The following SRPK2 variants were observed in gnomAD, a reference collection of about 807,000 sequenced individuals.
SRPK2 encodes SRSF protein kinase 2.
SRPK2 carries 21 observed loss-of-function variants against 90.8 expected under a neutral mutation model. That is an observed-to-expected ratio of 0.23 (90% CI 0.16 to 0.33). SRPK2 has a LOEUF of 0.33. Among genes scored for constraint, SRPK2 ranks in the 10% least tolerant of loss-of-function variants. SRPK2 has a pLI of 1.00. For synonymous variants in SRPK2, 288 were observed against 311.1 expected, an observed-to-expected ratio of 0.93 and a Z score of 0.78; for missense variants, 620 against 869.0, an observed-to-expected ratio of 0.71 and a Z score of 3.60.
At chr7:105,142,728 A>C (rs1803972602) in intron 10 of SRPK2, among the ~76,000 whole-genome samples, 1 of 152,226 alleles carries the variant, frequency 6.6e-6, no homozygotes, top group South Asian at 2.1e-4. Flanking sequence ...CTCTTTCTAA[A>C]TAAAGTTGCA....
intron 2 of SRPK2, chr7:105,244,579 C>T (rs1361481902): frequency 4.8e-6 from 3 of 619,730 alleles, no homozygotes; most frequent in Non-Finnish European, 8.7e-6. Flanking sequence ...GTCTCAACAA[C>T]AATAAAAAAA....
chr7:105,343,822 G>A (rs2131928166), intron 2 of SRPK2, among the ~76,000 whole-genome samples: 2 of 152,128 alleles, frequency 1.3e-5, no homozygotes, highest in South Asian at 4.1e-4. Flanking sequence ...GAGTGCAATG[G>A]TGCCATCTTG....
intron 2 of SRPK2, chr7:105,268,871 T>G: frequency 6.3e-7 from 1 of 1,585,570 alleles, no homozygotes; most frequent in Non-Finnish European, 8.6e-7. Flanking sequence ...GCTTGATTTC[T>G]GGAAAAATCA....
intron 2 of SRPK2, among the ~76,000 whole-genome samples, chr7:105,334,902 G>T (rs1814901008): frequency 6.6e-6 from 1 of 150,470 alleles, no homozygotes; most frequent in South Asian, 2.1e-4. Context: ...GGGCGCAGTA[G>T]CTTATGCCTG....
At chr7:105,151,127 A>G (rs1459430549) in intron 7 of SRPK2, among the ~76,000 whole-genome samples, 1 of 152,244 alleles carries the variant, frequency 6.6e-6, no homozygotes, top group East Asian at 1.9e-4. Context: ...ATTGCACTCA[A>G]CTAGGCTAAC....
chr7:105,380,405 ACATACATG>A (rs1203402965), intron 2 of SRPK2, among the ~76,000 whole-genome samples: 2 of 152,078 alleles, frequency 1.3e-5, no homozygotes, highest in Non-Finnish European at 2.9e-5. Context: ...AATGCACTTT[ACATACATG>A]CATATACATG....
At chr7:105,140,631 T>C (rs1472995205) in intron 11 of SRPK2, among the ~76,000 whole-genome samples, 3 of 150,996 alleles carry the variant, frequency 2.0e-5, no homozygotes, top group East Asian at 2.0e-4. Context: ...ATGAATAAAA[T>C]AGAAATAATT....
rs35542004 is a variant in SRPK2, at chr7:105,300,254, C to CA, written c.71+88393dup. Among the ~76,000 whole-genome samples the CA allele has an allele frequency of 4.9e-3, 377 of 76,194 alleles. 2 individuals carry two copies. The highest frequency in any genetic ancestry group is 0.017 in the East Asian group (43 of 2,554). The allele number at this position is 76,194 out of a possible 152,430, so 50.0% of individuals were successfully genotyped here. A position where few individuals can be genotyped will look rare whatever the true frequency, so the allele number is the denominator to read the frequency against. Reference sequence around the variant, plus strand: ...GGCAAGAGACAGCGAGACTCCATCTCAAAAAAAAAAAAAAAAAAAAAAAAG... The same window carrying CA: ...GGCAAGAGACAGCGAGACTCCATCTCAAAAAAAAAAAAAAAAAAAAAAAAAG... On this transcript the variant is annotated intron_variant, in intron 2 of 15. Coordinates refer to ENST00000393651, the MANE Select transcript of SRPK2 (RefSeq NM_182692.3).
intron 2 of SRPK2, among the ~76,000 whole-genome samples, chr7:105,260,452 A>AAG (rs1350107377): frequency 6.6e-6 from 1 of 152,214 alleles, no homozygotes; most frequent in Non-Finnish European, 1.5e-5. Context: ...AAATTAGTTC[A>AAG]ACCATTGTGG....
intron 2 of SRPK2, among the ~76,000 whole-genome samples, chr7:105,331,337 A>AAAAAAAAACAAAAAC (rs1554512429): frequency 7.1e-6 from 1 of 141,830 alleles, no homozygotes; most frequent in Non-Finnish European, 1.5e-5. Flanking sequence ...AAAAAAAAAA[A>AAAAAAAAACAAAAAC]CAAATAGTTA....
At chr7:105,203,581 GC>G in intron 3 of SRPK2, 46 bp downstream of exon 3, 8 of 1,453,540 alleles carry the variant, frequency 5.5e-6, no homozygotes, top group Non-Finnish European at 7.3e-6. Flanking sequence ...TTACTACACA[GC>G]CCAATGGGGA....
At chr7:105,358,204 A>C (rs796122984) in intron 2 of SRPK2, among the ~76,000 whole-genome samples, 15 of 141,542 alleles carry the variant, frequency 1.1e-4, no homozygotes, top group African/African-American at 3.9e-4. Context: ...AGCCTGGGCA[A>C]CAGAGCGAGA....
At chr7:105,385,491 A>C (rs60676837) in intron 2 of SRPK2, among the ~76,000 whole-genome samples, 21 of 152,198 alleles carry the variant, frequency 1.4e-4, no homozygotes, top group African/African-American at 5.1e-4. Flanking sequence ...CCCTCTTTTT[A>C]AACAGGAATC....
chr7:105,250,998 C>T (rs1002803712), intron 2 of SRPK2, among the ~76,000 whole-genome samples: 1 of 152,144 alleles, frequency 6.6e-6, no homozygotes, highest in South Asian at 2.1e-4. Flanking sequence ...GCAACAGCAA[C>T]AGAAGCTACT....
chr7:105,397,847 C>G (rs1822374714), intron 1 of SRPK2, among the ~76,000 whole-genome samples: 1 of 152,066 alleles, frequency 6.6e-6, no homozygotes, highest in Non-Finnish European at 1.5e-5. Context: ...GGGGTTTCAC[C>G]ATGTTGGCCA....
At chr7:105,325,285 A>G (rs1185731414) in intron 2 of SRPK2, among the ~76,000 whole-genome samples, 1 of 152,104 alleles carries the variant, frequency 6.6e-6, no homozygotes, top group Non-Finnish European at 1.5e-5. Context: ...TATAAAACAC[A>G]TTTCTCTAGC....
At chr7:105,200,312 A>C (rs1300460190) in intron 3 of SRPK2, among the ~76,000 whole-genome samples, 2 of 152,156 alleles carry the variant, frequency 1.3e-5, no homozygotes, top group African/African-American at 4.8e-5. Context: ...AAACAAAACA[A>C]AAAAATAAAC....
chr7:105,206,087 T>C, intron 2 of SRPK2: 1 of 488,940 alleles, frequency 2.0e-6, no homozygotes, highest in South Asian at 1.5e-5. Flanking sequence ...GTGTGCACTG[T>C]GGGATGCTTT....
rs117112730 is a variant in SRPK2 at position 105,348,885 on chromosome 7, G to A, written c.71+39763C>T. Reference sequence around the variant, plus strand: ...AGAGCAGCCGGGCGCAGTGGCTCACGCCGTAATCCCAGCACTTTGGGAGGC... The same window carrying A: ...AGAGCAGCCGGGCGCAGTGGCTCACACCGTAATCCCAGCACTTTGGGAGGC... On this transcript the variant is annotated intron_variant, in intron 2 of 15. Transcript: ENST00000393651. Among the ~76,000 whole-genome samples the A allele has an allele frequency of 4.7e-3, 709 of 151,870 alleles. 11 individuals carry two copies. The East Asian group carries it at 0.055, about 12-fold the overall frequency.
Sources: gnomAD v4.1 joint callset for allele counts (sites outside exome capture counted in the v4.1 genomes callset) on GRCh38, gnomAD v4.1.1 for gene constraint, MANE v1.5 for transcripts, NCBI Gene and HGNC (gene_info 2026-07-23, HGNC 2026-07-21) for gene names.